The following CACNA1C variants were observed in gnomAD, a reference collection of about 807,000 sequenced individuals.
CACNA1C encodes voltage-dependent L-type calcium channel subunit alpha-1C.
CACNA1C carries 30 observed loss-of-function variants against 229.0 expected under a neutral mutation model. The observed-to-expected ratio is 0.13, with a 90% CI of 0.10 to 0.18. CACNA1C has a LOEUF of 0.18. Ranked by LOEUF, CACNA1C falls within the 10% of genes least tolerant of loss-of-function variation. The pLI, the probability that CACNA1C is intolerant of heterozygous loss-of-function variation, is 1.00. For synonymous variants in CACNA1C, 1,114 were observed against 1,132.5 expected (o/e 0.98, Z 0.33); for missense variants, 1,658 against 2,845.0 (o/e 0.58, Z 9.49).
At chr12:2,118,632 G>A (rs1013902124) in intron 2 of CACNA1C, among the ~76,000 whole-genome samples, 4 of 152,182 alleles carry the variant, frequency 2.6e-5, no homozygotes, top group East Asian at 3.9e-4. Flanking sequence ...CTGTTGGGCC[G>A]TAAGAATGTG....
chr12:2,359,568 A>G (rs1296257883), intron 3 of CACNA1C, among the ~76,000 whole-genome samples: 1 of 150,602 alleles, frequency 6.6e-6, no homozygotes, highest in Non-Finnish European at 1.5e-5. Context: ...ATCTCACAAG[A>G]CACAAACTGT....
chr12:2,438,835 AAGAC>A (rs1354630691), intron 3 of CACNA1C, among the ~76,000 whole-genome samples: 4 of 152,074 alleles, frequency 2.6e-5, no homozygotes, highest in Admixed American at 6.5e-5. Context: ...GTGAGGCAGA[AAGAC>A]AGGATCCTGT....
chr12:2,142,465 C>G (rs985746241), intron 3 of CACNA1C, among the ~76,000 whole-genome samples: 2 of 151,230 alleles, frequency 1.3e-5, no homozygotes, highest in Non-Finnish European at 3.0e-5. Context: ...ATGACTGTTA[C>G]TGATTTACGT....
chr12:2,239,195 G>A (rs890384089), intron 3 of CACNA1C, among the ~76,000 whole-genome samples: 11 of 152,182 alleles, frequency 7.2e-5, no homozygotes, highest in African/African-American at 2.7e-4. Flanking sequence ...GTTAGAGTGG[G>A]TACCAAAACA....
chr12:2,177,016 A>T (rs1449846454), intron 3 of CACNA1C, among the ~76,000 whole-genome samples: 1 of 152,190 alleles, frequency 6.6e-6, no homozygotes, highest in Non-Finnish European at 1.5e-5. Flanking sequence ...GGTCGGCTTA[A>T]TCAATAGGTG....
In CACNA1C at chr12:2,686,222, G is replaced by C. The variant is rs181502604; in HGVS notation, c.5737G>C (p.Asp1913His). 6.2e-7 allele frequency: 1 copy of C among 1,613,532 alleles called. No homozygotes were observed. The highest frequency in any genetic ancestry group is 8.5e-7 in the Non-Finnish European group (1 of 1,179,900). The change falls in exon 45 of 47, where the codon GAC becomes CAC. Residue 1913 changes from aspartate (D) to histidine (H), a missense_variant. Transcript: ENST00000399655. ...GAAGCGACAGAAGGACCGAGGGGGA[G>C]ACATCTCTCAGAAGACAGTCCTGCC... ...CLKRQKDRGGDISQKTVLPLH... is the reference protein window; with the variant it reads ...CLKRQKDRGGHISQKTVLPLH...
intron 3 of CACNA1C, among the ~76,000 whole-genome samples, chr12:2,305,600 T>C (rs1331173815): frequency 6.6e-6 from 1 of 152,186 alleles, no homozygotes; most frequent in East Asian, 1.9e-4. Flanking sequence ...TCCCAGCTCT[T>C]TGGGAGGCTG....
intron 43 of CACNA1C, among the ~76,000 whole-genome samples, chr12:2,683,953 C>T (rs1040187266): frequency 1.3e-5 from 2 of 152,220 alleles, no homozygotes; most frequent in Admixed American, 6.5e-5. Context: ...CCTCACCGAC[C>T]CCTCCCAGCA....
intron 8 of CACNA1C, among the ~76,000 whole-genome samples, chr12:2,509,591 G>A (rs184385834): frequency 2.4e-4 from 37 of 152,280 alleles, no homozygotes; most frequent in African/African-American, 7.5e-4. Flanking sequence ...TCGCACCTGC[G>A]TGAAGCTTAT....
chr12:2,381,723 T>A (rs1432485246), intron 3 of CACNA1C, among the ~76,000 whole-genome samples: 1 of 152,234 alleles, frequency 6.6e-6, no homozygotes, highest in Non-Finnish European at 1.5e-5. Flanking sequence ...ACTGGCTACC[T>A]TCTCATCATC....
intron 3 of CACNA1C, among the ~76,000 whole-genome samples, chr12:2,415,049 G>A (rs778087195): frequency 3.3e-5 from 5 of 152,190 alleles, no homozygotes; most frequent in African/African-American, 7.2e-5. Flanking sequence ...CCATAGGCAC[G>A]CACACCCTCT....
intron 4 of CACNA1C, among the ~76,000 whole-genome samples, chr12:2,452,705 TAAAG>T (rs2099390076): frequency 6.6e-6 from 1 of 152,220 alleles, no homozygotes; most frequent in African/African-American, 2.4e-5. Flanking sequence ...GGATACTTAA[TAAAG>T]AGTCTCAACT....
rs187341056 is a variant in CACNA1C at position 2,322,268 on chromosome 12, C to T, written c.478-126708C>T. Among the ~76,000 whole-genome samples, 290 of 152,302 alleles carry T rather than the reference C, an allele frequency of 1.9e-3. 2 individuals carry two copies. The highest frequency in any genetic ancestry group is 3.2e-3 in the Non-Finnish European group (217 of 68,038). On this transcript the variant is annotated intron_variant, in intron 3 of 46. Coordinates refer to ENST00000399655, the MANE Select transcript of CACNA1C (RefSeq NM_000719.7). Reference sequence around the variant, plus strand: ...CTGAATCACAGGGGCACTGGAGCCACCCCCAGATGAAGACATCTATTTTCA... The same window carrying T: ...CTGAATCACAGGGGCACTGGAGCCATCCCCAGATGAAGACATCTATTTTCA...
Position 2,666,872 on chromosome 12 carries a change from C to CTAGTT in CACNA1C, c.4623+93_4623+97dup, listed in dbSNP as rs2096151883. The CTAGTT allele has an allele frequency of 1.3e-6, 1 of 786,616 alleles. No individual in the cohort carries two copies. The highest frequency in any genetic ancestry group is 2.0e-5 in the Admixed American group (1 of 49,724). The allele number at this position is 786,616 out of a possible 1,614,324, so 48.7% of individuals were successfully genotyped here. A position where few individuals can be genotyped will look rare whatever the true frequency, so the allele number is the denominator to read the frequency against. ...GTGATCCTTTAAGGGAATGAACATA[C>CTAGTT]TAGTTTATGTGCCTAAAGATTACAT... On this transcript the variant is annotated intron_variant, in intron 37 of 46. Transcript: ENST00000399655. The surrounding 1 kb of genome is among the most constrained non-coding windows in gnomAD (Gnocchi z 5.3).
chr12:2,445,718 A>G (rs1241095516), intron 3 of CACNA1C, among the ~76,000 whole-genome samples: 1 of 152,154 alleles, frequency 6.6e-6, no homozygotes, highest in East Asian at 1.9e-4. Flanking sequence ...AGGGCAATTA[A>G]GCAAGAGAAA....
intron 3 of CACNA1C, among the ~76,000 whole-genome samples, chr12:2,305,907 T>A (rs1329327321): frequency 6.6e-6 from 1 of 152,228 alleles, no homozygotes; most frequent in African/African-American, 2.4e-5. Flanking sequence ...ATAGAGACAC[T>A]TTTTTAAGGC....
chr12:2,023,522 A>T (rs1363625921), intron 1 of CACNA1C, among the ~76,000 whole-genome samples: 1 of 152,112 alleles, frequency 6.6e-6, no homozygotes, highest in Non-Finnish European at 1.5e-5. Context: ...CCGAGTGAGA[A>T]CTTCCTCCTA....
chr12:2,151,671 TGAA>T (rs767122981), intron 3 of CACNA1C, among the ~76,000 whole-genome samples: 3 of 152,222 alleles, frequency 2.0e-5, no homozygotes, highest in Non-Finnish European at 4.4e-5. Flanking sequence ...TTTGTATTGA[TGAA>T]GAAGGGAGAT....
rs542354256 is a variant in CACNA1C, at chr12:2,325,256, A to G, written c.478-123720A>G. On this transcript the variant is annotated intron_variant, in intron 3 of 46. Coordinates refer to ENST00000399655, the MANE Select transcript of CACNA1C (RefSeq NM_000719.7). Reference sequence around the variant, plus strand: ...ACCATCCATACTATCTGGTCTCGAGACCCATTTCCTCTGAGCTGCTCTCAC... The same window carrying G: ...ACCATCCATACTATCTGGTCTCGAGGCCCATTTCCTCTGAGCTGCTCTCAC... Among the ~76,000 whole-genome samples the G allele has an allele frequency of 3.9e-5, 6 of 152,146 alleles. No homozygotes were observed. In the East Asian group the frequency reaches 5.8e-4, roughly 15 times the overall value.
Sources: gnomAD v4.1 joint callset for allele counts (sites outside exome capture counted in the v4.1 genomes callset) on GRCh38, gnomAD v4.1.1 for gene constraint, Gnocchi (gnomAD v3.1) non-coding constraint, MANE v1.5 for transcripts, NCBI Gene and HGNC (gene_info 2026-07-23, HGNC 2026-07-21) for gene names.